Variants in ABCG1 observed in about 807,000 individuals in gnomAD.
ABCG1 encodes the protein ATP binding cassette subfamily G member 1, also known as ATP-binding cassette sub-family G member 1.
ABCG1 carries 29 observed loss-of-function variants against 69.2 expected under a neutral mutation model. The ratio of observed to expected loss-of-function variants is 0.42; its 90% CI spans 0.31 to 0.57. ABCG1 has a LOEUF of 0.57. Ranked by LOEUF, ABCG1 falls within the 20% of genes least tolerant of loss-of-function variation. The probability of loss-of-function intolerance (pLI) is 0.15; values close to 1 mark genes in which losing one functional copy is unlikely to be tolerated. For missense variants in ABCG1, 718 were observed against 898.1 expected (o/e 0.80, Z 2.56); for synonymous variants, 370 against 374.8 (o/e 0.99, Z 0.15).
rs367958969 is a variant in ABCG1 at position 42,294,577 on chromosome 21, G to A, written c.1689G>A (p.Pro563=). Reference sequence around the variant, plus strand: ...TCGTGGGCCCAGTGACAGCCATCCCGGTGCTCCTGTTCTCGGGGTTCTTCG... The same window carrying A: ...TCGTGGGCCCAGTGACAGCCATCCCAGTGCTCCTGTTCTCGGGGTTCTTCG... ...ATFVGPVTAI[P]VLLFSGFFVS... Residue 563 remains proline (P), a synonymous_variant, in exon 14 of 15, where the codon CCG becomes CCA. Coordinates refer to ENST00000398449, the MANE Select transcript of ABCG1 (RefSeq NM_016818.3). 7 of 1,614,068 alleles carry A rather than the reference G, an allele frequency of 4.3e-6. No homozygotes were observed. Among genetic ancestry groups the A allele is most frequent in the Admixed American group, 3.3e-5 (2 of 60,010 alleles).
intron 5 of ABCG1, 93 bp from the exon 6 acceptor site, chr21:42,282,181 C>A: frequency 6.6e-7 from 1 of 1,526,398 alleles, no homozygotes; most frequent in Non-Finnish European, 8.9e-7. Context: ...GTCCAGCAGG[C>A]TGAGGGCGGC....
At chr21:42,279,778 C>G (rs2068774791) in intron 5 of ABCG1, among the ~76,000 whole-genome samples, 1 of 152,212 alleles carries the variant, frequency 6.6e-6, no homozygotes. Flanking sequence ...CACAGCAAGC[C>G]AGGCCCTTGG....
chr21:42,292,375 C>G (rs139546087), intron 13 of ABCG1, among the ~76,000 whole-genome samples: 1 of 152,056 alleles, frequency 6.6e-6, no homozygotes, highest in African/African-American at 2.4e-5. Context: ...CACAAGGCTG[C>G]CATGGGACCA....
In ABCG1 at chr21:42,296,431, T is replaced by C; in HGVS notation, c.*39T>C. 5 of 1,570,432 alleles carry C rather than the reference T, an allele frequency of 3.2e-6. No individual in the cohort carries two copies. In the South Asian group the frequency reaches 4.5e-5, roughly 14 times the overall value. ...CAGGAAACAGGAAGATTAGACACTG[T>C]GGCCGAGGGCACGTCTAGAATCGAG... On this transcript the variant is annotated 3_prime_UTR_variant, in exon 15 of 15. Transcript: ENST00000398449. This position sits in a 1 kb window ranked among gnomAD's most constrained non-coding sequence, Gnocchi z 5.4.
chr21:42,209,976 C>T lies in ABCG1; in HGVS notation c.48+8253C>T, dbSNP rs370104957. On this transcript the variant is annotated intron_variant, in intron 2 of 15. Coordinates refer to the ABCG1 transcript ENST00000398457. The stretch of plus-strand genomic sequence containing the variant: ...CCACTTGGGAAGGGCCAATGATGGA[C>T]AATGGGTGTGAACTCGGGAGGGCAG... Among the ~76,000 whole-genome samples the T allele has an allele frequency of 1.4e-4, 22 of 152,284 alleles. 1 individual carries two copies. Among genetic ancestry groups the T allele is most frequent in the African/African-American group, 5.3e-4 (22 of 41,506 alleles).
At chr21:42,281,768 G>C (rs182568427) in intron 5 of ABCG1, among the ~76,000 whole-genome samples, 1 of 152,094 alleles carries the variant, frequency 6.6e-6, no homozygotes. Context: ...CAGCCCCCAC[G>C]GACTCCATGC....
Position 42,284,583 on chromosome 21 carries a change from T to C in ABCG1, c.758T>C (p.Phe253Ser). ...PTSGLDSASC[F>S]QVVSLMKGLA... The stretch of plus-strand genomic sequence containing the variant: ...AGCGGCCTGGACAGCGCCTCCTGCT[T>C]CCAGGTGGTCTCGCTGATGAAAGGG... The change falls in exon 7 of 15, where the codon TTC becomes TCC. Residue 253 changes from phenylalanine (F) to serine (S), a missense_variant. By Grantham distance (155) the Phe-to-Ser change is radical. Around this residue, in one of 2 missense-constraint regions of ABCG1, gnomAD observed 514 missense variants for 574.3 expected, o/e 0.90. Transcript: ENST00000398449. 2 of 1,613,808 alleles carry C rather than the reference T, an allele frequency of 1.2e-6. No homozygotes were observed. Among genetic ancestry groups the C allele is most frequent in the South Asian group, 2.2e-5 (2 of 91,084 alleles).
Position 42,296,430 on chromosome 21 carries a change from G to A in ABCG1, c.*38G>A. The A allele has an allele frequency of 6.4e-7, 1 of 1,570,884 alleles. No homozygotes were observed. Among genetic ancestry groups the A allele is most frequent in the Non-Finnish European group, 8.7e-7 (1 of 1,150,022 alleles). ...CCAGGAAACAGGAAGATTAGACACTGTGGCCGAGGGCACGTCTAGAATCGA... is the reference window on the plus strand; with the variant it reads ...CCAGGAAACAGGAAGATTAGACACTATGGCCGAGGGCACGTCTAGAATCGA... On this transcript the variant is annotated 3_prime_UTR_variant, in exon 15 of 15. Transcript: ENST00000398449. This position sits in a 1 kb window ranked among gnomAD's most constrained non-coding sequence, Gnocchi z 5.4.
At chr21:42,267,430 T>C (rs1305603988) in intron 2 of ABCG1, among the ~76,000 whole-genome samples, 2 of 151,642 alleles carry the variant, frequency 1.3e-5, no homozygotes, top group South Asian at 2.1e-4. Flanking sequence ...CTGGGTTCTG[T>C]CTGGGTGTGG....
In ABCG1 at chr21:42,294,553, C is replaced by T. The variant is rs1311072834; in HGVS notation, c.1665C>T (p.Phe555=). 4.3e-6 allele frequency: 7 copies of T among 1,614,030 alleles called. No individual in the cohort carries two copies. The highest frequency in any genetic ancestry group is 4.0e-5 in the African/African-American group (3 of 75,042). ...GCCCCCAACTCCAGGTGGCCACTTT[C>T]GTGGGCCCAGTGACAGCCATCCCGG... ...AASTSLQVAT[F]VGPVTAIPVL... The change falls in exon 14 of 15, where the codon TTC becomes TTT. Residue 555 remains phenylalanine (F), a synonymous_variant. Transcript: ENST00000398449.
rs927975989 is a variant in ABCG1, at chr21:42,277,003, A to G, written c.588+58A>G. 11 of 1,572,074 alleles carry G rather than the reference A, an allele frequency of 7.0e-6. No individual in the cohort carries two copies. In the East Asian group the frequency reaches 9.0e-5, roughly 13 times the overall value. On this transcript the variant is annotated intron_variant, in intron 5 of 14. Transcript: ENST00000398449. The stretch of plus-strand genomic sequence containing the variant: ...CAGAAAGTGCATGACGTGCATGTGG[A>G]AGGTGTGCCTGCCGGGGCATTTTGG...
At chr21:42,220,583 G>A (rs2067709311) in intron 1 of ABCG1, among the ~76,000 whole-genome samples, 1 of 152,268 alleles carries the variant, frequency 6.6e-6, no homozygotes, top group African/African-American at 2.4e-5. Flanking sequence ...CAGGCGGTGG[G>A]TGGAGGAGGG....
intron 2 of ABCG1, among the ~76,000 whole-genome samples, chr21:42,240,452 T>C (rs994823265): frequency 2.6e-5 from 4 of 152,250 alleles, no homozygotes; most frequent in African/African-American, 9.6e-5. Flanking sequence ...AAAAGTTGTT[T>C]GGTTTGTGTT....
At position 42,276,892 on chromosome 21, in the gene ABCG1, C is replaced by G. The variant is rs2068721801; in HGVS notation, c.538-3C>G. 1.2e-6 allele frequency: 2 copies of G among 1,614,148 alleles called. No homozygotes were observed. Among genetic ancestry groups the G allele is most frequent in the Admixed American group, 1.7e-5 (1 of 60,026 alleles). ...TCCACACTGTTGTCCTTGTCCCCTG[C>G]AGGTGTCGGCACATCTGAAGCTTCA... On this transcript the variant is annotated splice_polypyrimidine_tract_variant and splice_region_variant and intron_variant, in intron 4 of 14. Transcript: ENST00000398449. This position sits in a 1 kb window ranked among gnomAD's most constrained non-coding sequence, Gnocchi z 5.3.
At chr21:42,282,111 C>T (rs1467960142) in intron 5 of ABCG1, among the ~76,000 whole-genome samples, 163 bp from the exon 6 acceptor site, 1 of 152,262 alleles carries the variant, frequency 6.6e-6, no homozygotes, top group Non-Finnish European at 1.5e-5. Flanking sequence ...CCCCACTTGG[C>T]ACTGGGCAGC....
rs1473898359 is a variant in ABCG1, at chr21:42,276,849, G to A, written c.538-46G>A. The A allele has an allele frequency of 1.9e-6, 3 of 1,607,902 alleles. No individual in the cohort carries two copies. The highest frequency in any genetic ancestry group is 2.6e-6 in the Non-Finnish European group (3 of 1,174,988). On this transcript the variant is annotated intron_variant, in intron 4 of 14. Coordinates refer to ENST00000398449, the MANE Select transcript of ABCG1 (RefSeq NM_016818.3). The surrounding 1 kb of genome is among the most constrained non-coding windows in gnomAD (Gnocchi z 5.3). ...TGCGGGCATGAGGCTCACACTGCCA[G>A]TGGCCGTCTGTTCTGCTTCCACACT... is the stretch of plus-strand genomic sequence containing the variant.
Position 42,273,351 on chromosome 21 carries a change from C to G in ABCG1, c.453C>G (p.Asp151Glu). The G allele has an allele frequency of 6.2e-7, 1 of 1,613,892 alleles. No homozygotes were observed. The highest frequency in any genetic ancestry group is 8.5e-7 in the Non-Finnish European group (1 of 1,179,982). The stretch of plus-strand genomic sequence containing the variant: ...TCCTCATCAACGGCCTGCCCCGGGA[C>G]CTGCGCTGCTTCCGGAAGGTGTCCT... The part of the protein sequence containing the change: ...GAVLINGLPR[D>E]LRCFRKVSCY... Residue 151 changes from aspartate (D) to glutamate (E), a missense_variant, in exon 4 of 15, where the codon GAC becomes GAG. Asp to Glu is a conservative substitution (Grantham distance 45, BLOSUM62 2). Coordinates refer to ENST00000398449, the MANE Select transcript of ABCG1 (RefSeq NM_016818.3). This position sits in a 1 kb window ranked among gnomAD's most constrained non-coding sequence, Gnocchi z 5.3.
intron 2 of ABCG1, among the ~76,000 whole-genome samples, chr21:42,242,884 G>C (rs1361752085): frequency 1.3e-5 from 2 of 152,148 alleles, no homozygotes; most frequent in Non-Finnish European, 2.9e-5. Flanking sequence ...CTGCACCCCC[G>C]GGGGTCTGAG....
At chr21:42,214,505 G>T (rs1446632297), upstream of ABCG1, among the ~76,000 whole-genome samples, 6 of 152,396 alleles carry the variant, frequency 3.9e-5, no homozygotes, top group Non-Finnish European at 8.8e-5. Flanking sequence ...AGGCTGACCA[G>T]AAGGGAGATC....
Sources: gnomAD v4.1 joint callset for allele counts (sites outside exome capture counted in the v4.1 genomes callset) on GRCh38, gnomAD v4.1.1 for gene constraint, gnomAD v4.1.1 regional missense constraint, Gnocchi (gnomAD v3.1) non-coding constraint, MANE v1.5 for transcripts, NCBI Gene and HGNC (gene_info 2026-07-23, HGNC 2026-07-21) for gene names.